Variants in COL4A5 observed in about 807,000 individuals in gnomAD.
COL4A5 encodes collagen alpha-5(IV) chain.
Under a neutral mutation model 130.2 loss-of-function variants are expected in COL4A5, and 26 were observed. That is an observed-to-expected ratio of 0.20 (90% CI 0.15 to 0.28). The LOEUF is 0.28. Ranked by LOEUF, COL4A5 falls within the 10% of genes least tolerant of loss-of-function variation. The pLI, the probability that COL4A5 is intolerant of heterozygous loss-of-function variation, is 1.00. For synonymous variants in COL4A5, 496 were observed against 439.6 expected (o/e 1.13, Z -1.60); for missense variants, 1,131 against 1,344.3 (o/e 0.84, Z 2.48).
intron 2 of COL4A5, among the ~76,000 whole-genome samples, chrX:108,546,861 A>G (rs1391623576): frequency 9.0e-6 from 1 of 111,260 alleles, no homozygotes; most frequent in Non-Finnish European, 1.9e-5. Context: ...CATTCATTTG[A>G]TCTTCAATCA....
At chrX:108,469,828 C>G (rs1252731273) in intron 1 of COL4A5, among the ~76,000 whole-genome samples, 2 of 111,685 alleles carry the variant, frequency 1.8e-5, no homozygotes, top group Non-Finnish European at 3.8e-5. Flanking sequence ...TTGCCCCTCT[C>G]TTTGTGTCTG....
At chrX:108,690,723 A>T (rs2068628212) in intron 49 of COL4A5, among the ~76,000 whole-genome samples, 1 of 111,554 alleles carries the variant, frequency 9.0e-6, no homozygotes, top group African/African-American at 3.3e-5. Context: ...TTGAAGTATG[A>T]AAACCTCTGA....
In COL4A5 at chrX:108,621,903, A is replaced by C. The variant is rs781308530; in HGVS notation, c.2767+11A>C. The C allele has an allele frequency of 2.0e-5, 23 of 1,143,507 alleles. No individual in the cohort carries two copies. In the East Asian group the frequency reaches 2.4e-4, roughly 12 times the overall value. 94.2% of individuals were successfully genotyped at this position (1,143,507 alleles called of 1,213,427 possible). ...TACCTGGTCTTAAAGGTAATAATCA[A>C]GGTTTGCTGCCAGACGTATGTGAGA... On this transcript the variant is annotated intron_variant, in intron 32 of 52. Coordinates refer to ENST00000328300, the MANE Select transcript of COL4A5 (RefSeq NM_033380.3).
In COL4A5 at chrX:108,462,831, A is replaced by G. The variant is rs1175935397; in HGVS notation, c.81+22625A>G. 4.4e-5 allele frequency: 5 copies of G among 112,875 alleles called. No individual in the cohort carries two copies. In the East Asian group the frequency reaches 1.4e-3, roughly 31 times the overall value. The allele number at this position is 112,875 out of a possible 1,213,427, so 9.3% of individuals were successfully genotyped here. On this transcript the variant is annotated intron_variant, in intron 1 of 52. Transcript: ENST00000328300. ...TTCCAGAGACTGCCAGAAGAAGCCT[A>G]ATGCCAGTAATAATTCTGTCATTGA...
chrX:108,555,121 C>T (rs746417949), intron 2 of COL4A5, among the ~76,000 whole-genome samples: 2 of 111,893 alleles, frequency 1.8e-5, no homozygotes, highest in Non-Finnish European at 3.8e-5. Flanking sequence ...CACAATCAAA[C>T]ATTAACTAAA....
At chrX:108,574,403 C>T (rs2066112046) in intron 9 of COL4A5, among the ~76,000 whole-genome samples, 1 of 111,177 alleles carries the variant, frequency 9.0e-6, no homozygotes, top group African/African-American at 3.3e-5. Context: ...CAACAGAATA[C>T]ATGCAAAATA....
chrX:108,556,311 C>A (rs964037671), intron 2 of COL4A5, among the ~76,000 whole-genome samples: 3 of 111,443 alleles, frequency 2.7e-5, no homozygotes, highest in Non-Finnish European at 3.8e-5. Flanking sequence ...ACACTAAATA[C>A]ATGTTAGCTA....
intron 2 of COL4A5, among the ~76,000 whole-genome samples, chrX:108,552,247 GTAACTTTT>G (rs2065763975): frequency 8.9e-6 from 1 of 111,978 alleles, no homozygotes; most frequent in Non-Finnish European, 1.9e-5. Context: ...CATAAAGTAT[GTAACTTTT>G]TAAGACTGAC....
At chrX:108,680,783 A>T (rs989903613) in intron 45 of COL4A5, 32 bp downstream of exon 45, 28 of 1,184,941 alleles carry the variant, frequency 2.4e-5, no homozygotes, top group Non-Finnish European at 2.7e-5. Flanking sequence ...GTTTCCCTTT[A>T]TATTAAACTC....
At chrX:108,585,170 T>A (rs2066315847) in intron 18 of COL4A5, among the ~76,000 whole-genome samples, 1 of 112,049 alleles carries the variant, frequency 8.9e-6, no homozygotes, top group Non-Finnish European at 1.9e-5. Context: ...GTTTAACATA[T>A]TGGTTTTTCT....
intron 10 of COL4A5, among the ~76,000 whole-genome samples, chrX:108,577,204 C>A (rs1055650507): frequency 9.3e-6 from 1 of 107,664 alleles, no homozygotes; most frequent in Non-Finnish European, 1.9e-5. Flanking sequence ...AACCCCATCT[C>A]TACTAAAAAT....
intron 1 of COL4A5, among the ~76,000 whole-genome samples, chrX:108,507,537 G>C (rs2065137738): frequency 1.8e-5 from 2 of 112,045 alleles, no homozygotes; most frequent in Admixed American, 1.9e-4. Context: ...GGCCGGGCAT[G>C]GTGGCTCACG....
chrX:108,476,964 G>C (rs2147519154), intron 1 of COL4A5, among the ~76,000 whole-genome samples: 1 of 111,491 alleles, frequency 9.0e-6, no homozygotes, highest in Non-Finnish European at 1.9e-5. Flanking sequence ...TTCTCTTAGA[G>C]GGACAGAACG....
At chrX:108,500,370 T>C (rs2147564688) in intron 1 of COL4A5, among the ~76,000 whole-genome samples, 1 of 111,964 alleles carries the variant, frequency 8.9e-6, no homozygotes, top group Non-Finnish European at 1.9e-5. Context: ...TTTTTCTTCT[T>C]CAAAAGTCTT....
rs1332581945 is a variant in COL4A5, at chrX:108,622,772, T to C, written c.2864T>C (p.Met955Thr). 1.7e-6 allele frequency: 2 copies of C among 1,210,907 alleles called. No homozygotes were observed. Among genetic ancestry groups the C allele is most frequent in the Non-Finnish European group, 1.1e-6 (1 of 894,958 alleles). The change falls in exon 33 of 53, where the codon ATG becomes ACG. Residue 955 changes from methionine (M) to threonine (T), a missense_variant. By Grantham distance (81) the Met-to-Thr change is moderately conservative. Transcript: ENST00000328300. ...EPGLPGPPGPMDPNLLGSKGE... is the reference protein window; with the variant it reads ...EPGLPGPPGPTDPNLLGSKGE... The stretch of plus-strand genomic sequence containing the variant: ...GGCCTTCCAGGCCCTCCTGGACCAA[T>C]GGATCCAAATCTTCTGGGCTCAAAA...
intron 42 of COL4A5, among the ~76,000 whole-genome samples, chrX:108,671,205 A>C (rs779591803): frequency 9.8e-5 from 11 of 112,262 alleles, no homozygotes; most frequent in Admixed American, 1.9e-4. Context: ...CAGTAAAAAA[A>C]GCCACAAATA....
intron 35 of COL4A5, 44 bp downstream of exon 35, chrX:108,625,838 A>G (rs1369747493): frequency 3.1e-6 from 3 of 972,473 alleles, no homozygotes; most frequent in Non-Finnish European, 4.4e-6. Flanking sequence ...CATTAATGAA[A>G]GGTGGTTCAA....
intron 37 of COL4A5, among the ~76,000 whole-genome samples, chrX:108,664,109 C>T (rs917789045): frequency 1.8e-5 from 2 of 111,287 alleles, no homozygotes; most frequent in Non-Finnish European, 3.8e-5. Flanking sequence ...TGCTTGAACC[C>T]GGGAGGTGGA....
intron 8 of COL4A5, among the ~76,000 whole-genome samples, chrX:108,572,885 T>C (rs760150681): frequency 1.2e-4 from 14 of 112,025 alleles, no homozygotes; most frequent in Non-Finnish European, 2.6e-4. Context: ...ATTGACAGCC[T>C]TATCTTAAAC....
Sources: allele counts gnomAD v4.1 joint callset (sites outside exome capture counted in the v4.1 genomes callset), GRCh38; gene constraint gnomAD v4.1.1; transcripts MANE v1.5; gene names NCBI Gene and HGNC (gene_info 2026-07-23, HGNC 2026-07-21).